CD109: variants seen among roughly 807,000 people sequenced by gnomAD.
CD109 encodes CD109 antigen.
In CD109, 149 loss-of-function variants were observed where a neutral mutation model predicts 165.8. That is an observed-to-expected ratio of 0.90 (90% CI 0.79 to 1.03). The LOEUF is 1.03. Ranked by LOEUF, CD109 falls within the 50% of genes least tolerant of loss-of-function variation. The probability of loss-of-function intolerance (pLI) is 0.00; values close to 1 mark genes in which losing one functional copy is unlikely to be tolerated. For missense variants in CD109, 1,712 were observed against 1,677.8 expected, an observed-to-expected ratio of 1.02 and a Z score of -0.36; for synonymous variants, 585 against 592.1, an observed-to-expected ratio of 0.99 and a Z score of 0.18.
At chr6:73,819,735 A>G (rs1776048658) in intron 31 of CD109, among the ~76,000 whole-genome samples, 1 of 152,250 alleles carries the variant, frequency 6.6e-6, no homozygotes, top group South Asian at 2.1e-4. Context: ...AGCACTGCTC[A>G]AAAGCCATTG....
chr6:73,823,316 C>T, intron 32 of CD109, 142 bp from the exon 33 acceptor site: 1 of 648,436 alleles, frequency 1.5e-6, no homozygotes, highest in Non-Finnish European at 2.6e-6. Flanking sequence ...TTGGACATTT[C>T]AGTTGTTTCT....
At chr6:73,796,360 G>A (rs1775165586) in intron 23 of CD109, among the ~76,000 whole-genome samples, 1 of 152,094 alleles carries the variant, frequency 6.6e-6, no homozygotes, top group African/African-American at 2.4e-5. Context: ...TGCTGCTTCA[G>A]GGACATGATG....
intron 23 of CD109, among the ~76,000 whole-genome samples, chr6:73,802,820 C>T (rs1775417900): frequency 6.6e-6 from 1 of 151,878 alleles, no homozygotes; most frequent in African/African-American, 2.4e-5. Context: ...CTGCCTCAGC[C>T]TCCCGAGTAG....
chr6:73,764,620 G>T (rs1436998394), intron 10 of CD109, among the ~76,000 whole-genome samples: 2 of 151,862 alleles, frequency 1.3e-5, no homozygotes, highest in African/African-American at 2.4e-5. Flanking sequence ...TTCGAGACCA[G>T]CCTGACCAAC....
chr6:73,767,252 A>G (rs551081338), intron 13 of CD109, among the ~76,000 whole-genome samples: 2 of 151,868 alleles, frequency 1.3e-5, no homozygotes, highest in Admixed American at 6.6e-5. Context: ...GTTCCCCTCT[A>G]TGTGTCCATG....
chr6:73,783,263 A>G (rs1774572321), intron 18 of CD109, among the ~76,000 whole-genome samples: 1 of 152,240 alleles, frequency 6.6e-6, no homozygotes, highest in Admixed American at 6.5e-5. Flanking sequence ...AAATCCACAT[A>G]GTATTTTATA....
chr6:73,802,647 C>T (rs1775409571), intron 23 of CD109, among the ~76,000 whole-genome samples: 2 of 149,358 alleles, frequency 1.3e-5, no homozygotes, highest in African/African-American at 4.9e-5. Context: ...GAAGCATCAT[C>T]TATGCCATAG....
chr6:73,732,794 T>C (rs1169445835), intron 4 of CD109, among the ~76,000 whole-genome samples: 1 of 152,264 alleles, frequency 6.6e-6, no homozygotes, highest in Non-Finnish European at 1.5e-5. Flanking sequence ...TTTGAATCTT[T>C]GATTTGCAGA....
intron 16 of CD109, 89 bp from the exon 17 acceptor site, chr6:73,781,170 A>G (rs1248620676): frequency 2.9e-5 from 30 of 1,030,652 alleles, no homozygotes; most frequent in East Asian, 5.1e-5. Context: ...AATGAGCACA[A>G]GTGAGTCAGG....
rs774372859 is a variant in CD109 at position 73,811,149 on chromosome 6, T to C, written c.3702+2T>C. On this transcript the variant is annotated splice_donor_variant, in intron 28 of 32. Coordinates refer to ENST00000287097, the MANE Select transcript of CD109 (RefSeq NM_133493.5). LOFTEE classifies it high-confidence loss of function. ...CGCTTACTCCTTCAGACAGCAGAGG[T>C]GTGGGCAAGGGGCAGTTATTTAAAA... 8 of 1,611,046 alleles carry C rather than the reference T, an allele frequency of 5.0e-6. No homozygotes were observed. The South Asian group carries it at 8.8e-5, about 18-fold the overall frequency.
chr6:73,819,121 C>T (rs3012563), intron 31 of CD109, among the ~76,000 whole-genome samples: 85,487 of 152,138 alleles, frequency 0.56, 24,394 homozygotes, highest in African/African-American at 0.66. Context: ...AGGTGTGAGC[C>T]GCCATGCCTG....
chr6:73,754,171 A>G (rs6909201), intron 5 of CD109, among the ~76,000 whole-genome samples: 82,921 of 152,020 alleles, frequency 0.55, 23,111 homozygotes, highest in African/African-American at 0.66. Flanking sequence ...AGAAATTCAG[A>G]TGGAGATGTC....
rs141726446 is a variant in CD109, at chr6:73,701,938, T to C, written c.247+4366T>C. ...TCAAAAACAAAAACAAAAGAACCCTTAAAACCAAAAACTCCCAAAAACCTA... is the reference window on the plus strand; with the variant it reads ...TCAAAAACAAAAACAAAAGAACCCTCAAAACCAAAAACTCCCAAAAACCTA... On this transcript the variant is annotated intron_variant, in intron 2 of 32. Coordinates refer to ENST00000287097, the MANE Select transcript of CD109 (RefSeq NM_133493.5). Among the ~76,000 whole-genome samples the C allele has an allele frequency of 1.9e-3, 295 of 152,142 alleles. 4 individuals are homozygous for C. Among genetic ancestry groups the C allele is most frequent in the African/African-American group, 6.8e-3 (281 of 41,502 alleles).
intron 2 of CD109, among the ~76,000 whole-genome samples, chr6:73,717,862 G>A (rs1201677644): frequency 2.6e-5 from 4 of 151,462 alleles, no homozygotes; most frequent in South Asian, 2.1e-4. Context: ...CTCGTGATCC[G>A]CCCACCTCGG....
Position 73,809,967 on chromosome 6 carries a change from T to A in CD109, c.3356-17T>A. On this transcript the variant is annotated splice_polypyrimidine_tract_variant and intron_variant, in intron 26 of 32. Coordinates refer to ENST00000287097, the MANE Select transcript of CD109 (RefSeq NM_133493.5). ...TTCTGGATAATTGATCAGAATGTTA[T>A]TACTTTTCTCTTGCAGGTGGCATGC... 1 of 1,576,868 alleles carries A rather than the reference T, an allele frequency of 6.3e-7. No homozygotes were observed. The highest frequency in any genetic ancestry group is 8.6e-7 in the Non-Finnish European group (1 of 1,164,824).
chr6:73,786,065 A>ACCTCCTGGCC (rs11282491), intron 20 of CD109, among the ~76,000 whole-genome samples: 1 of 151,874 alleles, frequency 6.6e-6, no homozygotes. Flanking sequence ...GCGGGTCTTG[A>ACCTCCTGGCC]TCAAGTGATC....
At chr6:73,813,129 A>G (rs1436033433) in intron 29 of CD109, among the ~76,000 whole-genome samples, 1 of 152,190 alleles carries the variant, frequency 6.6e-6, no homozygotes, top group Non-Finnish European at 1.5e-5. Flanking sequence ...TTCTCAGAAT[A>G]CAGTAAACAT....
chr6:73,791,200 T>TACACATACAC (rs1774947362), intron 22 of CD109, among the ~76,000 whole-genome samples: 3 of 119,348 alleles, frequency 2.5e-5, no homozygotes, highest in African/African-American at 7.5e-5. Context: ...TACATATATA[T>TACACATACAC]ATATATATAT....
At chr6:73,728,238 T>C (rs1286975534) in intron 3 of CD109, among the ~76,000 whole-genome samples, 1 of 152,138 alleles carries the variant, frequency 6.6e-6, no homozygotes, top group African/African-American at 2.4e-5. Context: ...GGAGAATCGC[T>C]TGAACCCAAG....
Sources: gnomAD v4.1 joint callset for allele counts (sites outside exome capture counted in the v4.1 genomes callset) on GRCh38, gnomAD v4.1.1 for gene constraint, MANE v1.5 for transcripts, NCBI Gene and HGNC (gene_info 2026-07-23, HGNC 2026-07-21) for gene names.